The following ENTR1 variants were observed in gnomAD, a reference collection of about 807,000 sequenced individuals.
ENTR1 encodes endosome-associated-trafficking regulator 1.
In ENTR1, 47 loss-of-function variants were observed where a neutral mutation model predicts 47.9. The observed-to-expected ratio is 0.98, with a 90% CI of 0.78 to 1.25. ENTR1 has a LOEUF of 1.25. Among genes scored for constraint, ENTR1 ranks in the 50% most tolerant of loss-of-function variants. The probability of loss-of-function intolerance (pLI) is 0.00; values close to 1 mark genes in which losing one functional copy is unlikely to be tolerated. For synonymous variants in ENTR1, 290 were observed against 245.8 expected (o/e 1.18, Z -1.68); for missense variants, 668 against 570.5 (o/e 1.17, Z -1.74).
At chr9:136,409,510 C>G (rs1588798681) in intron 2 of ENTR1, among the ~76,000 whole-genome samples, 1 of 152,334 alleles carries the variant, frequency 6.6e-6, no homozygotes, top group East Asian at 1.9e-4. Flanking sequence ...AAAACACAAG[C>G]TCCCAGACTT....
At chr9:136,409,233 T>G (rs1834947545) in intron 2 of ENTR1, among the ~76,000 whole-genome samples, 166 bp from the exon 3 acceptor site, 1 of 150,858 alleles carries the variant, frequency 6.6e-6, no homozygotes, top group Admixed American at 6.6e-5. Flanking sequence ...CAAGCTGGAG[T>G]GCAGTGGTGC....
At chr9:136,404,840 A>T in intron 7 of ENTR1, 147 bp from the exon 8 acceptor site, 1 of 762,734 alleles carries the variant, frequency 1.3e-6, no homozygotes, top group South Asian at 1.6e-5. Flanking sequence ...TCCCGCCTCC[A>T]CTCTCAGACC....
chr9:136,410,279 GCGGCCGCCGCCCACCTGGACCGCTGGACT>G lies in ENTR1; in HGVS notation c.70+20_71-41del. On this transcript the variant is annotated intron_variant, in intron 1 of 9. Transcript: ENST00000357365. ...AACAGCGACTTTACTGCGTGCCGGG[GCGGCCGCCGCCCACCTGGACCGCTGGACT>G]CGGCCCCTGCCCCGCTCACCGTCGG... The G allele has an allele frequency of 6.4e-7, 1 of 1,552,438 alleles. No individual in the cohort carries two copies. The highest frequency in any genetic ancestry group is 8.7e-7 in the Non-Finnish European group (1 of 1,148,470).
In ENTR1 at chr9:136,405,090, C is replaced by A; in HGVS notation, c.1005+1G>T. 1 of 1,610,584 alleles carries A rather than the reference C, an allele frequency of 6.2e-7. No homozygotes were observed. The highest frequency in any genetic ancestry group is 8.5e-7 in the Non-Finnish European group (1 of 1,177,300). On this transcript the variant is annotated splice_donor_variant, in intron 7 of 9. Coordinates refer to ENST00000357365, the MANE Select transcript of ENTR1 (RefSeq NM_001039707.2). LOFTEE classifies it high-confidence loss of function. Reference sequence around the variant, plus strand: ...GTCCGATTCAGAGAAGAAACCCATACGGTCATCAGCTCCAGGTTCTGCTCC... The same window carrying A: ...GTCCGATTCAGAGAAGAAACCCATAAGGTCATCAGCTCCAGGTTCTGCTCC...
intron 2 of ENTR1, among the ~76,000 whole-genome samples, chr9:136,409,461 G>C (rs948946274): frequency 3.3e-5 from 5 of 152,152 alleles, no homozygotes; most frequent in Non-Finnish European, 7.3e-5. Flanking sequence ...GATTACAGGC[G>C]TAAGCCACTG....
At chr9:136,406,278 G>C (rs1272542334) in intron 5 of ENTR1, among the ~76,000 whole-genome samples, 1 of 151,944 alleles carries the variant, frequency 6.6e-6, no homozygotes, top group Admixed American at 6.6e-5. Context: ...GACCAGCCTG[G>C]CCAACACGGT....
rs1343033481 is a variant in ENTR1, at chr9:136,409,035, G to GCTTAGAACATTTCCCCTTTC, written c.233_252dup (p.Gln85GlufsTer38). 5.6e-6 allele frequency: 9 copies of GCTTAGAACATTTCCCCTTTC among 1,613,962 alleles called. No homozygotes were observed. Among genetic ancestry groups the GCTTAGAACATTTCCCCTTTC allele is most frequent in the Non-Finnish European group, 6.8e-6 (8 of 1,179,988 alleles). ...GTCCCGTGGGCTCCTGACGGGCTCT[G>GCTTAGAACATTTCCCCTTTC]CTTAGAACATTTCCCCTTTCCATAG... is the stretch of plus-strand genomic sequence containing the variant. On this transcript the variant is annotated frameshift_variant, in exon 3 of 10. Transcript: ENST00000357365. LOFTEE classifies it high-confidence loss of function.
At chr9:136,407,107 C>G in intron 5 of ENTR1, 38 bp downstream of exon 5, 1 of 1,544,836 alleles carries the variant, frequency 6.5e-7, no homozygotes, top group Non-Finnish European at 8.8e-7. Flanking sequence ...GCCGCTCGGA[C>G]AGGCGCTGTG....
intron 2 of ENTR1, among the ~76,000 whole-genome samples, chr9:136,409,552 G>T (rs1834974357): frequency 6.6e-6 from 1 of 152,140 alleles, no homozygotes; most frequent in African/African-American, 2.4e-5. Context: ...CTTGCAGACT[G>T]GCCCTGGTGT....
chr9:136,406,047 T>G, intron 5 of ENTR1, 69 bp from the exon 6 acceptor site: 8 of 1,148,840 alleles, frequency 7.0e-6, no homozygotes, highest in Non-Finnish European at 1.0e-5. Flanking sequence ...GCTTCTGCGG[T>G]GTGGCTCCAG....
chr9:136,410,403 C>A lies in ENTR1; in HGVS notation c.-6G>T. ...CGGCGCTGGTAGCCCGACATCGCCG[C>A]CGGCCCGGCGGGGCACGACCTGCCT... On this transcript the variant is annotated 5_prime_UTR_variant, in exon 1 of 10. Coordinates refer to ENST00000357365, the MANE Select transcript of ENTR1 (RefSeq NM_001039707.2). 2.2e-6 allele frequency: 3 copies of A among 1,368,002 alleles called. No homozygotes were observed. Among genetic ancestry groups the A allele is most frequent in the Non-Finnish European group, 1.9e-6 (2 of 1,069,586 alleles). The allele number at this position is 1,368,002 out of a possible 1,614,324, so 84.7% of individuals were successfully genotyped here. A position where few individuals can be genotyped will look rare whatever the true frequency, so the allele number is the denominator to read the frequency against.
Position 136,407,830 on chromosome 9 carries a change from G to A in ENTR1, c.398C>T (p.Ala133Val), listed in dbSNP as rs1564411116. Residue 133 changes from alanine (A) to valine (V), a missense_variant, in exon 4 of 10, where the codon GCA becomes GTA. Coordinates refer to ENST00000357365, the MANE Select transcript of ENTR1 (RefSeq NM_001039707.2). Reference sequence around the variant, plus strand: ...CCCACAGTGCCGTGGATTTACCTTTGCATAAATTCTGCTGGCCGGATCCTC... The same window carrying A: ...CCCACAGTGCCGTGGATTTACCTTTACATAAATTCTGCTGGCCGGATCCTC... ...SKEDPASRIY[A>V]KEASRHSLGL... 1.9e-6 allele frequency: 3 copies of A among 1,607,310 alleles called. No homozygotes were observed. Among genetic ancestry groups the A allele is most frequent in the East Asian group, 4.5e-5 (2 of 44,826 alleles).
rs1834862014 is a variant in ENTR1, at chr9:136,407,935, T to C, written c.293A>G (p.Asp98Gly). The C allele has an allele frequency of 1.3e-6, 2 of 1,583,926 alleles. No individual in the cohort carries two copies. The highest frequency in any genetic ancestry group is 1.7e-6 in the Non-Finnish European group (2 of 1,152,924). ...SGAHGTHFGD[D>G]RFEDLEEANP... Reference sequence around the variant, plus strand: ...TGCCTCTTCCAGATCTTCAAATCTGTCATCTGAAATAACAGACATCACAAA... The same window carrying C: ...TGCCTCTTCCAGATCTTCAAATCTGCCATCTGAAATAACAGACATCACAAA... Residue 98 changes from aspartate to glycine, a missense_variant, in exon 4 of 10, where the codon GAC becomes GGC. Transcript: ENST00000357365.
intron 6 of ENTR1, among the ~76,000 whole-genome samples, chr9:136,405,536 G>C (rs1834723839): frequency 6.6e-6 from 1 of 152,250 alleles, no homozygotes; most frequent in African/African-American, 2.4e-5. Flanking sequence ...CGAGGAGTTT[G>C]AGACAAGCCT....
intron 9 of ENTR1, among the ~76,000 whole-genome samples, chr9:136,403,817 T>C (rs1834627062): frequency 6.6e-6 from 1 of 152,160 alleles, no homozygotes; most frequent in South Asian, 2.1e-4. Context: ...CAGGGTGCTG[T>C]GGCTGTCTGC....
intron 4 of ENTR1, 109 bp from the exon 5 acceptor site, chr9:136,407,670 C>T: frequency 6.9e-6 from 10 of 1,446,602 alleles, no homozygotes; most frequent in Non-Finnish European, 9.2e-6. Context: ...AATCTCTCTA[C>T]CGGAAGGAGC....
rs36076555 is a variant in ENTR1 at position 136,407,563 on chromosome 9, TAAAA to T, written c.403-6_403-3del. On this transcript the variant is annotated splice_polypyrimidine_tract_variant and splice_region_variant and intron_variant, in intron 4 of 9. Transcript: ENST00000357365. ...TCCCAGGGAATGCCTCGAGGCTTCC[TAAAA>T]AAAAAAAAAAAAAAAAAACAATGGA... The T allele has an allele frequency of 0.021, 27,419 of 1,305,346 alleles. 10 individuals carry two copies. The highest frequency in any genetic ancestry group is 0.028 in the Admixed American group (835 of 29,520). The allele number at this position is 1,305,346 out of a possible 1,614,324, so 80.9% of individuals were successfully genotyped here. A position where few individuals can be genotyped will look rare whatever the true frequency, so the allele number is the denominator to read the frequency against.
chr9:136,404,906 G>A (rs1834689383), intron 7 of ENTR1, 185 bp downstream of exon 7: 7 of 666,322 alleles, frequency 1.1e-5, no homozygotes, highest in Admixed American at 2.6e-5. Flanking sequence ...CACTCCCCAC[G>A]GATGCCCTCG....
chr9:136,403,950 C>T, intron 9 of ENTR1, 105 bp downstream of exon 9: 1 of 1,362,134 alleles, frequency 7.3e-7, no homozygotes, highest in Non-Finnish European at 9.9e-7. Context: ...CCCTGGTCCT[C>T]CAGCCACGGT....
Sources: allele counts gnomAD v4.1 joint callset (sites outside exome capture counted in the v4.1 genomes callset), GRCh38; gene constraint gnomAD v4.1.1; transcripts MANE v1.5; gene names NCBI Gene and HGNC (gene_info 2026-07-23, HGNC 2026-07-21).